The following CDK19 variants were observed in gnomAD, a reference collection of about 807,000 sequenced individuals.
CDK19 encodes cyclin-dependent kinase 19.
Under a neutral mutation model 68.3 loss-of-function variants are expected in CDK19, and 20 were observed. The ratio of observed to expected loss-of-function variants is 0.29; its 90% CI spans 0.21 to 0.43. The LOEUF (loss-of-function observed/expected upper bound fraction) is 0.43. CDK19 is among the 20% of genes least tolerant of loss of function. The pLI is 1.00. For synonymous variants in CDK19, 221 were observed against 222.8 expected, an observed-to-expected ratio of 0.99 and a Z score of 0.07; for missense variants, 339 against 623.5, an observed-to-expected ratio of 0.54 and a Z score of 4.86.
intron 2 of CDK19, among the ~76,000 whole-genome samples, chr6:110,712,352 A>T (rs1021690234): frequency 6.6e-6 from 1 of 152,240 alleles, no homozygotes; most frequent in African/African-American, 2.4e-5. Flanking sequence ...TCTATGGAAC[A>T]TAATTTGGGA....
At chr6:110,717,574 C>A (rs1053656104) in intron 2 of CDK19, among the ~76,000 whole-genome samples, 4 of 152,088 alleles carry the variant, frequency 2.6e-5, no homozygotes, top group African/African-American at 9.7e-5. Context: ...ACATTTTAAA[C>A]GGTACATGTG....
At chr6:110,672,521 C>A (rs1387396366) in intron 2 of CDK19, among the ~76,000 whole-genome samples, 1 of 152,170 alleles carries the variant, frequency 6.6e-6, no homozygotes, top group Non-Finnish European at 1.5e-5. Context: ...GTTCAAAAAT[C>A]AAAGTATATA....
At chr6:110,667,350 T>C (rs993630176) in intron 4 of CDK19, 84 bp downstream of exon 4, 2 of 900,850 alleles carry the variant, frequency 2.2e-6, no homozygotes, top group Non-Finnish European at 3.3e-6. Flanking sequence ...ATTAATGTTT[T>C]ATTATAATGG....
chr6:110,659,497 T>C (rs754406499), intron 4 of CDK19, among the ~76,000 whole-genome samples: 1 of 152,224 alleles, frequency 6.6e-6, no homozygotes, highest in African/African-American at 2.4e-5. Flanking sequence ...TGGAAAACAA[T>C]GTTTTGCCAT....
chr6:110,703,682 A>C (rs1449688381), intron 2 of CDK19, among the ~76,000 whole-genome samples: 1 of 152,004 alleles, frequency 6.6e-6, no homozygotes. Context: ...TCTACAAAAA[A>C]ATTTTAAATT....
At chr6:110,742,835 C>T (rs914163909) in intron 2 of CDK19, among the ~76,000 whole-genome samples, 4 of 152,160 alleles carry the variant, frequency 2.6e-5, no homozygotes, top group African/African-American at 9.7e-5. Flanking sequence ...ACGTGCACAG[C>T]GGGACATAGA....
At chr6:110,640,668 T>C (rs1178118344) in intron 4 of CDK19, among the ~76,000 whole-genome samples, 1 of 152,050 alleles carries the variant, frequency 6.6e-6, no homozygotes, top group Admixed American at 6.5e-5. Flanking sequence ...GTTTGAAAAA[T>C]GGTTAGGCGT....
At chr6:110,798,120 A>G (rs1314359717) in intron 1 of CDK19, among the ~76,000 whole-genome samples, 3 of 152,176 alleles carry the variant, frequency 2.0e-5, no homozygotes, top group African/African-American at 7.2e-5. Context: ...GATGTACCGT[A>G]CTAAAGAACA....
chr6:110,649,444 C>T (rs1230565888), intron 4 of CDK19, among the ~76,000 whole-genome samples: 1 of 151,858 alleles, frequency 6.6e-6, no homozygotes, highest in Non-Finnish European at 1.5e-5. Context: ...CTTTTTGATC[C>T]TAAGTTAGGG....
intron 1 of CDK19, among the ~76,000 whole-genome samples, chr6:110,778,818 T>C (rs1324843860): frequency 6.6e-6 from 1 of 152,180 alleles, no homozygotes; most frequent in African/African-American, 2.4e-5. Context: ...ACTTCCAAGA[T>C]AGCTACTTAA....
intron 1 of CDK19, among the ~76,000 whole-genome samples, chr6:110,766,032 A>G (rs1390666574): frequency 6.6e-6 from 1 of 152,218 alleles, no homozygotes; most frequent in South Asian, 2.1e-4. Flanking sequence ...TATGGAAAAC[A>G]GTATGAACAT....
chr6:110,645,879 G>A (rs1780531880), intron 4 of CDK19: 1 of 734,072 alleles, frequency 1.4e-6, no homozygotes, highest in East Asian at 3.0e-5. Flanking sequence ...TATCGTAGAC[G>A]AAAACAGCGG....
intron 2 of CDK19, among the ~76,000 whole-genome samples, chr6:110,681,351 A>T (rs1407977352): frequency 6.6e-6 from 1 of 152,234 alleles, no homozygotes; most frequent in Non-Finnish European, 1.5e-5. Flanking sequence ...GTCTCAAAAA[A>T]ACAAAAAACA....
rs1463841239 is a variant in CDK19 at position 110,737,658 on chromosome 6, T to C, written c.204+8468A>G. On this transcript the variant is annotated intron_variant, in intron 2 of 12. Coordinates refer to ENST00000368911, the MANE Select transcript of CDK19 (RefSeq NM_015076.5). ...TGTAGTTCCTCCCTAGGCACTGACC[T>C]TGTATTAGTTTCCCAGAATCCTCCT... 2.0e-5 allele frequency among the ~76,000 whole-genome samples: 3 copies of C among 152,162 alleles called. No individual in the cohort carries two copies. In the South Asian group the frequency reaches 6.2e-4, roughly 32 times the overall value.
chr6:110,704,803 G>A (rs1774298065), intron 2 of CDK19, among the ~76,000 whole-genome samples: 1 of 152,072 alleles, frequency 6.6e-6, no homozygotes, highest in African/African-American at 2.4e-5. Context: ...ATAGGCCAAG[G>A]CTAATTCTGG....
chr6:110,659,092 A>C (rs949889121), intron 4 of CDK19, among the ~76,000 whole-genome samples: 1 of 152,152 alleles, frequency 6.6e-6, no homozygotes, highest in African/African-American at 2.4e-5. Context: ...TAAGGCTAAA[A>C]CTCTAGAGAA....
In CDK19 at chr6:110,807,585, G is replaced by A. The variant is rs140978583; in HGVS notation, c.128+7424C>T. ...AGCAATTATTGTGCCTTAGCCTCCC[G>A]AGTAGCTGGGATTACAGGTGTGTAC... is the stretch of plus-strand genomic sequence containing the variant. On this transcript the variant is annotated intron_variant, in intron 1 of 12. Coordinates refer to ENST00000368911, the MANE Select transcript of CDK19 (RefSeq NM_015076.5). Among the ~76,000 whole-genome samples the A allele has an allele frequency of 5.0e-3, 763 of 152,082 alleles. 8 individuals are homozygous for A. Among genetic ancestry groups the A allele is most frequent in the African/African-American group, 0.017 (720 of 41,460 alleles).
chr6:110,611,399 T>C lies in CDK19; in HGVS notation c.*3136A>G, dbSNP rs1351184875. 2 of 152,270 alleles carry C rather than the reference T, an allele frequency of 1.3e-5. No homozygotes were observed. Among genetic ancestry groups the C allele is most frequent in the Non-Finnish European group, 2.9e-5 (2 of 68,072 alleles). The allele number at this position is 152,270 out of a possible 1,614,324, so 9.4% of individuals were successfully genotyped here. On this transcript the variant is annotated 3_prime_UTR_variant, in exon 13 of 13. Transcript: ENST00000368911. ...TAAATTTCAAAGAGAAATGCCATCA[T>C]TTGGGGACCACAAAGGTAAAGTTTG...
At chr6:110,620,757 A>G (rs17071942) in intron 12 of CDK19, among the ~76,000 whole-genome samples, 16,354 of 152,228 alleles carry the variant, frequency 0.11, 1,166 homozygotes, top group East Asian at 0.31. Context: ...TGTCCAAAGT[A>G]AGACACCACT....
Sources: allele counts gnomAD v4.1 joint callset (sites outside exome capture counted in the v4.1 genomes callset), GRCh38; gene constraint gnomAD v4.1.1; transcripts MANE v1.5; gene names NCBI Gene and HGNC (gene_info 2026-07-23, HGNC 2026-07-21).